Variants in C9 observed in about 807,000 individuals in gnomAD.
C9 encodes the protein complement component C9.
A neutral mutation model predicts 65.4 loss-of-function variants in C9; 63 were observed. The ratio of observed to expected loss-of-function variants is 0.96; its 90% CI spans 0.79 to 1.19. The LOEUF (loss-of-function observed/expected upper bound fraction) is 1.19, where lower values mean the gene tolerates loss of function less well. Ranked by LOEUF, C9 falls within the 50% of genes most tolerant of loss-of-function variation. The probability of loss-of-function intolerance (pLI) is 0.00; values close to 1 mark genes in which losing one functional copy is unlikely to be tolerated. For synonymous variants in C9, 229 were observed against 227.9 expected, an observed-to-expected ratio of 1.00 and a Z score of -0.04; for missense variants, 744 against 670.1, an observed-to-expected ratio of 1.11 and a Z score of -1.22.
chr5:39,298,308 G>A (rs1290917163), intron 9 of C9, among the ~76,000 whole-genome samples: 1 of 151,178 alleles, frequency 6.6e-6, no homozygotes, highest in African/African-American at 2.4e-5. Context: ...AGGAAATAAT[G>A]AGAATTGAAA....
chr5:39,285,611 CA>C (rs1752977930), intron 10 of C9, among the ~76,000 whole-genome samples: 1 of 150,802 alleles, frequency 6.6e-6, no homozygotes, highest in Middle Eastern at 3.2e-3. Flanking sequence ...TTTAAAAATT[CA>C]AAAAACAAAA....
chr5:39,355,703 C>G (rs1754402953), intron 1 of C9, among the ~76,000 whole-genome samples: 1 of 152,184 alleles, frequency 6.6e-6, no homozygotes, highest in South Asian at 2.1e-4. Context: ...GTACCACAGA[C>G]TGGGTGCCTT....
intron 1 of C9, among the ~76,000 whole-genome samples, chr5:39,360,446 G>A (rs1408371380): frequency 6.6e-6 from 1 of 152,018 alleles, no homozygotes; most frequent in Non-Finnish European, 1.5e-5. Flanking sequence ...GTACTCCTTA[G>A]TTATTTAAAA....
chr5:39,339,949 G>A (rs1223772766), intron 4 of C9, among the ~76,000 whole-genome samples: 6 of 152,132 alleles, frequency 3.9e-5, no homozygotes, highest in East Asian at 1.9e-4. Context: ...GTGACCCGCC[G>A]CAGATATCGT....
At chr5:39,359,828 C>T (rs990873229) in intron 1 of C9, among the ~76,000 whole-genome samples, 1 of 152,202 alleles carries the variant, frequency 6.6e-6, no homozygotes, top group African/African-American at 2.4e-5. Context: ...CCAGTGAGGG[C>T]AGGGACCCTC....
chr5:39,333,736 C>A (rs1000178721), intron 4 of C9, among the ~76,000 whole-genome samples: 1 of 151,860 alleles, frequency 6.6e-6, no homozygotes, highest in African/African-American at 2.4e-5. Context: ...CTCAGCCTGC[C>A]GAGTGCCTGC....
At chr5:39,347,210 T>C (rs930309429) in intron 1 of C9, among the ~76,000 whole-genome samples, 1 of 152,090 alleles carries the variant, frequency 6.6e-6, no homozygotes, top group African/African-American at 2.4e-5. Context: ...GGTATTCAAT[T>C]AGGAAAAGAG....
At position 39,319,096 on chromosome 5, in the gene C9, T is replaced by C. The variant is rs186815235; in HGVS notation, c.616-3067A>G. Among the ~76,000 whole-genome samples, 756 of 152,136 alleles carry C rather than the reference T, an allele frequency of 5.0e-3. 6 individuals carry two copies. The highest frequency in any genetic ancestry group is 0.016 in the African/African-American group (683 of 41,508). On this transcript the variant is annotated intron_variant, in intron 5 of 10. Coordinates refer to ENST00000263408, the MANE Select transcript of C9 (RefSeq NM_001737.5). ...CATCACACACACTCCCTTTCACACA[T>C]ACACACAAAACATAGGCCTCAGGTT...
At chr5:39,289,557 A>T (rs553114879) in intron 9 of C9, among the ~76,000 whole-genome samples, 1 of 151,964 alleles carries the variant, frequency 6.6e-6, no homozygotes, top group South Asian at 2.1e-4. Context: ...GATAGAAGTT[A>T]GTATATACCT....
intron 1 of C9, among the ~76,000 whole-genome samples, chr5:39,342,680 G>A (rs950613002): frequency 1.3e-4 from 19 of 151,932 alleles, no homozygotes; most frequent in Admixed American, 4.6e-4. Context: ...TTCCTGTAGC[G>A]GGCACCTCAT....
intron 1 of C9, among the ~76,000 whole-genome samples, chr5:39,359,012 T>TAAATAA (rs1315218053): frequency 7.1e-5 from 2 of 28,132 alleles, no homozygotes; most frequent in Non-Finnish European, 1.5e-4. Context: ...AATAAATAAA[T>TAAATAA]AAAAAATATA....
chr5:39,357,971 G>A (rs527958382), intron 1 of C9, among the ~76,000 whole-genome samples: 1 of 152,124 alleles, frequency 6.6e-6, no homozygotes, highest in East Asian at 1.9e-4. Context: ...TGGAGAGAGA[G>A]AGAGAGAGAT....
At chr5:39,340,702 A>G (rs1754060712) in intron 4 of C9, among the ~76,000 whole-genome samples, 1 of 152,206 alleles carries the variant, frequency 6.6e-6, no homozygotes, top group Admixed American at 6.5e-5. Flanking sequence ...TCAGCTCCAG[A>G]ATGCTGGAAA....
chr5:39,333,006 T>A (rs1159444023), intron 4 of C9, among the ~76,000 whole-genome samples: 1 of 152,114 alleles, frequency 6.6e-6, no homozygotes, highest in Admixed American at 6.5e-5. Context: ...AAGGCTGACA[T>A]ATAGATAAAA....
At chr5:39,325,426 T>C (rs529719253) in intron 5 of C9, among the ~76,000 whole-genome samples, 3 of 152,344 alleles carry the variant, frequency 2.0e-5, no homozygotes, top group Admixed American at 6.5e-5. Context: ...TCAGTCTCTA[T>C]GTTCTTCTCT....
intron 1 of C9, among the ~76,000 whole-genome samples, chr5:39,343,238 A>G (rs1012337334): frequency 2.6e-5 from 4 of 152,156 alleles, no homozygotes; most frequent in Non-Finnish European, 5.9e-5. Context: ...GCATCGCCTC[A>G]CCCGGGAAGT....
chr5:39,343,188 G>A (rs1433234070), intron 1 of C9, among the ~76,000 whole-genome samples: 1 of 152,192 alleles, frequency 6.6e-6, no homozygotes, highest in African/African-American at 2.4e-5. Context: ...GGGCAGGACA[G>A]TGGGTGCAGC....
chr5:39,350,880 AG>A (rs541119530), intron 1 of C9, among the ~76,000 whole-genome samples: 159 of 152,290 alleles, frequency 1.0e-3, no homozygotes, highest in African/African-American at 3.7e-3. Context: ...CAGTTCTACT[AG>A]GCAGTGCCCC....
chr5:39,349,136 C>T (rs147411778), intron 1 of C9, among the ~76,000 whole-genome samples: 1,751 of 151,132 alleles, frequency 0.012, 34 homozygotes, highest in Non-Finnish European at 0.011. Context: ...CCAACGTGCA[C>T]GTTGTGCACA....
Sources: gnomAD v4.1 joint callset for allele counts (sites outside exome capture counted in the v4.1 genomes callset) on GRCh38, gnomAD v4.1.1 for gene constraint, MANE v1.5 for transcripts, NCBI Gene and HGNC (gene_info 2026-07-23, HGNC 2026-07-21) for gene names.